The following CNTN5 variants were observed in gnomAD, a reference collection of about 807,000 sequenced individuals.
CNTN5 encodes contactin 5.
In CNTN5, 77 loss-of-function variants were observed where a neutral mutation model predicts 129.1. The observed-to-expected ratio is 0.60, with a 90% CI of 0.50 to 0.72. The LOEUF is 0.72. Ranked by LOEUF, CNTN5 falls within the 30% of genes least tolerant of loss-of-function variation. CNTN5 has a pLI of 0.00. For missense variants in CNTN5, 1,478 were observed against 1,328.8 expected, an observed-to-expected ratio of 1.11 and a Z score of -1.75; for synonymous variants, 509 against 465.6, an observed-to-expected ratio of 1.09 and a Z score of -1.20.
At chr11:99,908,497 A>G (rs1352241025) in intron 6 of CNTN5, among the ~76,000 whole-genome samples, 1 of 152,018 alleles carries the variant, frequency 6.6e-6, no homozygotes, top group African/African-American at 2.4e-5. Context: ...TTAGTCAATT[A>G]AGACTGATCT....
rs192051934 is a variant in CNTN5, at chr11:99,244,183, T to A, written c.-209-81163T>A. ...TACTCGTCGTAGAGATCTTTCACCT[T>A]GGATAGATATATCCCTAGATATTTC... On this transcript the variant is annotated intron_variant, in intron 1 of 24. Coordinates refer to ENST00000524871, the MANE Select transcript of CNTN5 (RefSeq NM_014361.4). Among the ~76,000 whole-genome samples, 505 of 152,220 alleles carry A rather than the reference T, an allele frequency of 3.3e-3. 3 individuals are homozygous for A. Among genetic ancestry groups the A allele is most frequent in the African/African-American group, 0.012 (487 of 41,554 alleles).
intron 3 of CNTN5, among the ~76,000 whole-genome samples, chr11:99,766,501 T>C (rs1944760224): frequency 1.3e-5 from 2 of 152,158 alleles, no homozygotes; most frequent in East Asian, 1.9e-4. Flanking sequence ...TTTCTTAGAA[T>C]GAAATACTAT....
chr11:99,247,985 G>C (rs1170864310), intron 1 of CNTN5, among the ~76,000 whole-genome samples: 1 of 152,132 alleles, frequency 6.6e-6, no homozygotes, highest in Non-Finnish European at 1.5e-5. Context: ...CCAGTAATGG[G>C]ATGGCTGGGT....
At chr11:99,660,433 A>G (rs191464629) in intron 3 of CNTN5, among the ~76,000 whole-genome samples, 10 of 152,246 alleles carry the variant, frequency 6.6e-5, no homozygotes, top group Admixed American at 3.9e-4. Context: ...AGGTGTATCT[A>G]TATGTCAAAA....
chr11:100,213,611 T>C (rs1477553300), intron 15 of CNTN5, among the ~76,000 whole-genome samples: 1 of 152,206 alleles, frequency 6.6e-6, no homozygotes, highest in African/African-American at 2.4e-5. Flanking sequence ...TAAATTTGAC[T>C]GAGTGTCCTT....
intron 1 of CNTN5, among the ~76,000 whole-genome samples, chr11:99,163,531 A>C (rs1019004272): frequency 6.6e-6 from 1 of 152,148 alleles, no homozygotes; most frequent in Admixed American, 6.5e-5. Flanking sequence ...AGATCATTAG[A>C]TTCTCCATTT....
intron 3 of CNTN5, among the ~76,000 whole-genome samples, chr11:99,776,529 T>A (rs1275315120): frequency 1.3e-5 from 2 of 151,882 alleles, no homozygotes; most frequent in African/African-American, 4.8e-5. Flanking sequence ...ATATATATAT[T>A]GAAATCTTCA....
At chr11:100,210,174 C>CAAAAAAAAAA (rs59613776) in intron 15 of CNTN5, among the ~76,000 whole-genome samples, 15 of 81,022 alleles carry the variant, frequency 1.9e-4, no homozygotes, top group South Asian at 4.7e-4. Context: ...TGCCTCTATA[C>CAAAAAAAAAA]AAAAAAAAAA....
At chr11:99,895,616 C>G (rs1458104666) in intron 6 of CNTN5, among the ~76,000 whole-genome samples, 1 of 152,104 alleles carries the variant, frequency 6.6e-6, no homozygotes, top group African/African-American at 2.4e-5. Context: ...GGTATGGAGC[C>G]GAGGAAAGCT....
intron 6 of CNTN5, among the ~76,000 whole-genome samples, chr11:99,893,467 A>G (rs1365034897): frequency 2.0e-5 from 3 of 152,166 alleles, no homozygotes; most frequent in Non-Finnish European, 2.9e-5. Flanking sequence ...TAATTCAATA[A>G]TGTATTAATT....
At chr11:100,184,273 T>A (rs1172787507) in intron 13 of CNTN5, among the ~76,000 whole-genome samples, 2 of 152,116 alleles carry the variant, frequency 1.3e-5, no homozygotes, top group East Asian at 1.9e-4. Context: ...ATTATGACAG[T>A]TTTACATTTA....
At chr11:100,145,615 C>T (rs1192839935) in intron 13 of CNTN5, among the ~76,000 whole-genome samples, 1 of 152,088 alleles carries the variant, frequency 6.6e-6, no homozygotes, top group Admixed American at 6.6e-5. Context: ...GCTTTGCCAT[C>T]ATTGTTTTTC....
At chr11:100,337,232 A>T in intron 21 of CNTN5, 1 of 1,539,828 alleles carries the variant, frequency 6.5e-7, no homozygotes, top group Non-Finnish European at 9.0e-7. Flanking sequence ...ACATATGTGA[A>T]AGTGGCAGGC....
chr11:100,102,965 A>G (rs908771941), intron 13 of CNTN5, among the ~76,000 whole-genome samples: 8 of 152,140 alleles, frequency 5.3e-5, no homozygotes, highest in Non-Finnish European at 1.2e-4. Flanking sequence ...AATTCCTCCT[A>G]CAACCTCCTT....
intron 6 of CNTN5, among the ~76,000 whole-genome samples, chr11:99,879,413 C>T (rs560569670): frequency 4.6e-5 from 7 of 152,162 alleles, no homozygotes; most frequent in African/African-American, 1.2e-4. Flanking sequence ...TATATATCAC[C>T]GGACCAGATA....
intron 2 of CNTN5, among the ~76,000 whole-genome samples, chr11:99,486,164 G>A (rs1416045815): frequency 6.6e-6 from 1 of 151,908 alleles, no homozygotes; most frequent in Non-Finnish European, 1.5e-5. Flanking sequence ...AATAGTATTT[G>A]TTTAAAATGC....
intron 6 of CNTN5, among the ~76,000 whole-genome samples, chr11:99,914,487 A>T (rs951005875): frequency 6.6e-6 from 1 of 152,156 alleles, no homozygotes; most frequent in Non-Finnish European, 1.5e-5. Context: ...ATTCAAAAAG[A>T]GACAAGCATA....
chr11:100,314,538 G>A (rs1327851323), intron 21 of CNTN5, among the ~76,000 whole-genome samples: 3 of 152,050 alleles, frequency 2.0e-5, no homozygotes, highest in Non-Finnish European at 4.4e-5. Context: ...GGAATACATA[G>A]CGTGGTGTTA....
chr11:100,175,825 T>C (rs950628255), intron 13 of CNTN5, among the ~76,000 whole-genome samples: 1 of 152,120 alleles, frequency 6.6e-6, no homozygotes, highest in South Asian at 2.1e-4. Context: ...GTCTGACACA[T>C]GAGGTGATCC....
Sources: allele counts gnomAD v4.1 joint callset (sites outside exome capture counted in the v4.1 genomes callset), GRCh38; gene constraint gnomAD v4.1.1; transcripts MANE v1.5; gene names NCBI Gene and HGNC (gene_info 2026-07-23, HGNC 2026-07-21).